PIK3R6: variants seen among roughly 807,000 people sequenced by gnomAD.
PIK3R6 encodes the protein phosphoinositide 3-kinase regulatory subunit 6.
In PIK3R6, 91 loss-of-function variants were observed where a neutral mutation model predicts 84.9. The observed-to-expected ratio is 1.07, with a 90% CI of 0.90 to 1.28. PIK3R6 has a LOEUF of 1.28. PIK3R6 is among the 50% of genes most tolerant of loss of function. The pLI, the probability that PIK3R6 is intolerant of heterozygous loss-of-function variation, is 0.00. For missense variants in PIK3R6, 996 were observed against 985.1 expected (o/e 1.01, Z -0.15); for synonymous variants, 416 against 411.4 (o/e 1.01, Z -0.13).
intron 18 of PIK3R6, among the ~76,000 whole-genome samples, chr17:8,816,377 T>C (rs1164716006): frequency 6.6e-6 from 1 of 152,222 alleles, no homozygotes; most frequent in Non-Finnish European, 1.5e-5. Context: ...GCATTGTTTC[T>C]TTCTTAGTAG....
At chr17:8,834,156 CAAAA>C (rs71135927) in intron 8 of PIK3R6, among the ~76,000 whole-genome samples, 1 of 46,478 alleles carries the variant, frequency 2.2e-5, no homozygotes, top group East Asian at 5.9e-4. Flanking sequence ...GACTTCGTCT[CAAAA>C]AAAAAAAAAA....
intron 13 of PIK3R6, among the ~76,000 whole-genome samples, chr17:8,825,053 G>A (rs1331334327): frequency 6.6e-6 from 1 of 152,092 alleles, no homozygotes; most frequent in Non-Finnish European, 1.5e-5. Context: ...TTAGCAGCAG[G>A]CACTACCCAA....
chr17:8,866,293 T>C (rs1217359311), intron 1 of PIK3R6, among the ~76,000 whole-genome samples: 1 of 152,042 alleles, frequency 6.6e-6, no homozygotes, highest in African/African-American at 2.4e-5. Flanking sequence ...ATCCCAGCAC[T>C]ATGGGAGGCC....
intron 9 of PIK3R6, among the ~76,000 whole-genome samples, chr17:8,831,768 G>A (rs1284908814): frequency 3.3e-5 from 5 of 152,116 alleles, no homozygotes; most frequent in Admixed American, 3.3e-4. Context: ...GTGCATATCT[G>A]GGACATGCAG....
intron 1 of PIK3R6, among the ~76,000 whole-genome samples, chr17:8,856,265 T>C (rs917766371): frequency 6.6e-6 from 1 of 152,144 alleles, no homozygotes; most frequent in Non-Finnish European, 1.5e-5. Context: ...TTACCCAGTT[T>C]CCCCCCAGTG....
chr17:8,829,576 AGACACACTGACACACACTCATGCATAC>A (rs2088146955), intron 10 of PIK3R6, 103 bp downstream of exon 10: 2 of 974,948 alleles, frequency 2.1e-6, no homozygotes, highest in Non-Finnish European at 3.1e-6. Context: ...ATACACACAC[AGACACACTGACACACACTCATGCATAC>A]ACACACTGAC....
At chr17:8,855,552 G>A (rs1458222533) in intron 1 of PIK3R6, among the ~76,000 whole-genome samples, 1 of 152,150 alleles carries the variant, frequency 6.6e-6, no homozygotes, top group Non-Finnish European at 1.5e-5. Context: ...TTTAAAATGA[G>A]CAATAGAAAG....
At position 8,814,004 on chromosome 17, in the gene PIK3R6, C is replaced by A. The variant is rs79682931; in HGVS notation, c.1995+5079G>T. On this transcript the variant is annotated intron_variant, in intron 18 of 19. Coordinates refer to ENST00000619866, the MANE Select transcript of PIK3R6 (RefSeq NM_001010855.4). ...GTGACAGGCATAATAAGCAGGCTTA[C>A]CCACCCCTCATCCCTGGCCCCCTTT... Among the ~76,000 whole-genome samples, 17 of 152,172 alleles carry A rather than the reference C, an allele frequency of 1.1e-4. No individual in the cohort carries two copies. The South Asian group carries it at 2.3e-3, about 20-fold the overall frequency.
intron 1 of PIK3R6, among the ~76,000 whole-genome samples, chr17:8,858,001 G>C (rs114799478): frequency 3.0e-4 from 46 of 151,838 alleles, no homozygotes; most frequent in African/African-American, 1.1e-3. Context: ...ATTCACTCAC[G>C]CATTCACTCA....
intron 17 of PIK3R6, 84 bp downstream of exon 17, chr17:8,821,762 C>G (rs1567575667): frequency 7.1e-7 from 1 of 1,399,800 alleles, no homozygotes. Context: ...AGGGCTCCCC[C>G]TTCTCCTGCC....
chr17:8,859,692 C>T (rs1361198265), intron 1 of PIK3R6, among the ~76,000 whole-genome samples: 1 of 152,198 alleles, frequency 6.6e-6, no homozygotes, highest in African/African-American at 2.4e-5. Context: ...GGACATCCAT[C>T]CTGCCCTTGG....
chr17:8,849,353 G>A (rs922418163), intron 2 of PIK3R6, among the ~76,000 whole-genome samples: 1 of 152,216 alleles, frequency 6.6e-6, no homozygotes, highest in Non-Finnish European at 1.5e-5. Flanking sequence ...TGGGGGAAAA[G>A]TACCTGCCCC....
intron 10 of PIK3R6, 131 bp downstream of exon 10, chr17:8,829,567 TACACACAC>T (rs748428031): frequency 7.5e-6 from 6 of 795,354 alleles, no homozygotes; most frequent in South Asian, 1.6e-5. Context: ...CATGCACACA[TACACACAC>T]AGACACACTG....
intron 18 of PIK3R6, among the ~76,000 whole-genome samples, chr17:8,817,569 G>C (rs1458918690): frequency 2.0e-5 from 3 of 152,150 alleles, no homozygotes; most frequent in African/African-American, 7.2e-5. Flanking sequence ...TTGAACCAGG[G>C]AGTCGGAGGT....
Position 8,839,848 on chromosome 17 carries a change from C to T in PIK3R6, c.14-151G>A, listed in dbSNP as rs2088615073. ...TTAGAGCTGGCAGCCAGCATGCCAGCCAGGGCTGGAATATAGCCTTCCCTT... is the reference window on the plus strand; with the variant it reads ...TTAGAGCTGGCAGCCAGCATGCCAGTCAGGGCTGGAATATAGCCTTCCCTT... On this transcript the variant is annotated intron_variant, in intron 2 of 19. Transcript: ENST00000619866. This position sits in a 1 kb window ranked among gnomAD's most constrained non-coding sequence, Gnocchi z 4.2. 6.6e-6 allele frequency among the ~76,000 whole-genome samples: 1 copy of T among 152,186 alleles called. No homozygotes were observed. Among genetic ancestry groups the T allele is most frequent in the African/African-American group, 2.4e-5 (1 of 41,444 alleles).
In PIK3R6 at chr17:8,836,779, A is replaced by C. The variant is rs2088481194; in HGVS notation, c.391+12T>G. On this transcript the variant is annotated intron_variant, in intron 6 of 19. Transcript: ENST00000619866. ...TGCAGCGTGGGAGACAAAGATGCCC[A>C]GTGACTCTTACCTGGGACAGCCATC... 2 of 1,610,676 alleles carry C rather than the reference A, an allele frequency of 1.2e-6. No individual in the cohort carries two copies. Among genetic ancestry groups the C allele is most frequent in the East Asian group, 2.2e-5 (1 of 44,830 alleles).
At position 8,812,933 on chromosome 17, in the gene PIK3R6, C is replaced by T. The variant is rs187118101; in HGVS notation, c.1995+6150G>A. Among the ~76,000 whole-genome samples, 25 of 151,518 alleles carry T rather than the reference C, an allele frequency of 1.6e-4. No individual in the cohort carries two copies. The East Asian group carries it at 2.9e-3, about 18-fold the overall frequency. ...TAAATGGAATTGGGACAAAAAAATACGAAGGATCAACGAAATGAAAAATTG... is the reference window on the plus strand; with the variant it reads ...TAAATGGAATTGGGACAAAAAAATATGAAGGATCAACGAAATGAAAAATTG... On this transcript the variant is annotated intron_variant, in intron 18 of 19. Coordinates refer to ENST00000619866, the MANE Select transcript of PIK3R6 (RefSeq NM_001010855.4).
In PIK3R6 at chr17:8,804,985, T is replaced by C. The variant is rs373651887; in HGVS notation, c.1996-832A>G. 1.3e-4 allele frequency among the ~76,000 whole-genome samples: 20 copies of C among 152,228 alleles called. 1 individual carries two copies. Among genetic ancestry groups the C allele is most frequent in the East Asian group, 5.8e-4 (3 of 5,200 alleles). ...AAAAGCTCCTGAGTGTAGGCAGGGC[T>C]GAGAACAGCCACTGAGTTGTTCAGT... On this transcript the variant is annotated intron_variant, in intron 18 of 19. Transcript: ENST00000619866.
At chr17:8,861,196 A>AAAG (rs1256916787) in intron 1 of PIK3R6, among the ~76,000 whole-genome samples, 3 of 151,132 alleles carry the variant, frequency 2.0e-5, no homozygotes, top group Non-Finnish European at 4.4e-5. Context: ...AAAAAAAAAA[A>AAAG]AAAGAAAGAA....
Sources: allele counts gnomAD v4.1 joint callset (sites outside exome capture counted in the v4.1 genomes callset), GRCh38; gene constraint gnomAD v4.1.1; non-coding constraint Gnocchi (gnomAD v3.1); transcripts MANE v1.5; gene names NCBI Gene and HGNC (gene_info 2026-07-23, HGNC 2026-07-21).